TRIO: variants seen among roughly 807,000 people sequenced by gnomAD.
The protein encoded by TRIO is triple functional domain protein.
Under a neutral mutation model 351.9 loss-of-function variants are expected in TRIO, and 58 were observed. That is an observed-to-expected ratio of 0.16 (90% CI 0.13 to 0.21). The LOEUF (loss-of-function observed/expected upper bound fraction) is 0.21. TRIO is among the 10% of genes least tolerant of loss of function. The pLI is 1.00. For synonymous variants in TRIO, 1,758 were observed against 1,595.7 expected (o/e 1.10, Z -2.42); for missense variants, 3,201 against 4,027.8 (o/e 0.79, Z 5.56).
At chr5:14,374,125 A>T (rs1418842914) in intron 18 of TRIO, 104 bp from the exon 19 acceptor site, 1 of 732,918 alleles carries the variant, frequency 1.4e-6, no homozygotes, top group Non-Finnish European at 2.2e-6. Flanking sequence ...GTGGCCAGAT[A>T]AATATTTTAG....
chr5:14,450,382 T>C (rs1379131550), intron 34 of TRIO, among the ~76,000 whole-genome samples: 2 of 152,214 alleles, frequency 1.3e-5, no homozygotes, highest in African/African-American at 4.8e-5. Flanking sequence ...CCTGGAGGTG[T>C]CTGCTGGTGA....
intron 9 of TRIO, among the ~76,000 whole-genome samples, chr5:14,330,113 T>C (rs1561348990): frequency 6.6e-6 from 1 of 152,242 alleles, no homozygotes; most frequent in Non-Finnish European, 1.5e-5. Context: ...ACTACTCAGT[T>C]CCAACTACGA....
chr5:14,172,919 G>A (rs565810877), intron 1 of TRIO, among the ~76,000 whole-genome samples: 3 of 152,350 alleles, frequency 2.0e-5, no homozygotes, highest in South Asian at 4.1e-4. Flanking sequence ...GTGGGGCTGT[G>A]AAAGATCAGC....
chr5:14,326,389 G>A (rs555145490), intron 9 of TRIO, among the ~76,000 whole-genome samples: 2 of 152,304 alleles, frequency 1.3e-5, no homozygotes, highest in African/African-American at 4.8e-5. Flanking sequence ...TTTGACTTAG[G>A]TGCTGAGCGA....
intron 10 of TRIO, among the ~76,000 whole-genome samples, chr5:14,333,140 T>C (rs1053171356): frequency 1.3e-5 from 2 of 152,120 alleles, no homozygotes; most frequent in African/African-American, 4.8e-5. Context: ...TGGAGTTGTA[T>C]CACCCGCGGG....
intron 18 of TRIO, 106 bp downstream of exon 18, chr5:14,369,629 C>G: frequency 7.2e-7 from 1 of 1,379,944 alleles, no homozygotes; most frequent in Non-Finnish European, 9.6e-7. Context: ...ACACCTCTTG[C>G]CTGCTGTGGA....
chr5:14,506,324 G>A (rs1341614810), intron 55 of TRIO, among the ~76,000 whole-genome samples: 5 of 152,162 alleles, frequency 3.3e-5, no homozygotes, highest in East Asian at 1.9e-4. Flanking sequence ...TGTTCTCACC[G>A]GCGACTCCCC....
intron 1 of TRIO, among the ~76,000 whole-genome samples, chr5:14,167,304 C>A (rs1318844328): frequency 6.6e-6 from 1 of 151,686 alleles, no homozygotes; most frequent in Non-Finnish European, 1.5e-5. Flanking sequence ...TTCCATGAGC[C>A]CGTTAAGAAT....
chr5:14,269,997 A>G (rs902110338), intron 1 of TRIO, among the ~76,000 whole-genome samples: 2 of 152,236 alleles, frequency 1.3e-5, no homozygotes, highest in Non-Finnish European at 2.9e-5. Flanking sequence ...TCCAGTTATT[A>G]TGATGAGTAT....
intron 34 of TRIO, among the ~76,000 whole-genome samples, chr5:14,439,382 A>G (rs1751845919): frequency 6.6e-6 from 1 of 152,154 alleles, no homozygotes; most frequent in Non-Finnish European, 1.5e-5. Flanking sequence ...AAATTATTGT[A>G]CTCATTTTTA....
chr5:14,297,041 A>G (rs753599172), intron 6 of TRIO, 31 bp from the exon 7 acceptor site: 1 of 1,593,488 alleles, frequency 6.3e-7, no homozygotes, highest in Non-Finnish European at 8.6e-7. Context: ...GCTCTCCCCT[A>G]AGGAGCCCTC....
intron 1 of TRIO, among the ~76,000 whole-genome samples, chr5:14,158,685 G>T (rs1036686821): frequency 6.6e-6 from 1 of 152,026 alleles, no homozygotes; most frequent in Non-Finnish European, 1.5e-5. Flanking sequence ...TTTAAAATTC[G>T]CTGGGCTTGG....
chr5:14,502,732 A>C, intron 54 of TRIO, 75 bp downstream of exon 54: 2 of 1,417,234 alleles, frequency 1.4e-6, no homozygotes, highest in African/African-American at 1.4e-5. Context: ...GCAGGGATAA[A>C]GCTAAGCAGT....
In TRIO at chr5:14,492,860, G is replaced by A. The variant is rs780970443; in HGVS notation, c.7880+46G>A. Reference sequence around the variant, plus strand: ...GCGTCCTGGCAGGCAGCAGAGGGAGGGGGCACAGCACCCGTGAGGCACACG... The same window carrying A: ...GCGTCCTGGCAGGCAGCAGAGGGAGAGGGCACAGCACCCGTGAGGCACACG... On this transcript the variant is annotated intron_variant, in intron 49 of 56. Transcript: ENST00000344204. 24 of 1,601,334 alleles carry A rather than the reference G, an allele frequency of 1.5e-5. No homozygotes were observed. In the East Asian group the frequency reaches 4.5e-4, roughly 30 times the overall value.
chr5:14,260,407 A>G (rs1394946762), intron 1 of TRIO, among the ~76,000 whole-genome samples: 1 of 152,244 alleles, frequency 6.6e-6, no homozygotes, highest in African/African-American at 2.4e-5. Flanking sequence ...TCTTAAAATC[A>G]GGAACATGCC....
intron 1 of TRIO, among the ~76,000 whole-genome samples, chr5:14,190,978 T>C (rs1469361029): frequency 2.0e-5 from 3 of 150,800 alleles, no homozygotes; most frequent in Non-Finnish European, 4.4e-5. Flanking sequence ...GAGATTGATA[T>C]GTATATTATA....
In TRIO at chr5:14,487,933, G is replaced by A; in HGVS notation, c.7305G>A (p.Lys2435=). The change falls in exon 48 of 57, where the codon AAG becomes AAA. Residue 2435 remains lysine, a synonymous_variant. Transcript: ENST00000344204. ...ASGSSPDAPA[K]DARASLGTLP... ...GGTCGAGCCCAGACGCCCCCGCCAA[G>A]GACGCGCGCGCTAGCCTGGGCACCC... The A allele has an allele frequency of 6.5e-7, 1 of 1,541,568 alleles. No homozygotes were observed. The highest frequency in any genetic ancestry group is 1.2e-5 in the South Asian group (1 of 83,346).
At chr5:14,391,075 A>T (rs1339245710) in intron 27 of TRIO, 85 bp downstream of exon 27, 1 of 1,006,378 alleles carries the variant, frequency 9.9e-7, no homozygotes, top group African/African-American at 1.7e-5. Context: ...CACCTAATTG[A>T]TAGTACAATG....
intron 2 of TRIO, among the ~76,000 whole-genome samples, chr5:14,271,720 G>C (rs1795985796): frequency 6.6e-6 from 1 of 152,190 alleles, no homozygotes; most frequent in African/African-American, 2.4e-5. Context: ...AATTTCCCTT[G>C]AGAATTTTTA....
Sources: allele counts gnomAD v4.1 joint callset (sites outside exome capture counted in the v4.1 genomes callset), GRCh38; gene constraint gnomAD v4.1.1; transcripts MANE v1.5; gene names NCBI Gene and HGNC (gene_info 2026-07-23, HGNC 2026-07-21).